The following GREB1 variants were observed in gnomAD, a reference collection of about 807,000 sequenced individuals.
GREB1 encodes the protein growth regulating estrogen receptor binding 1, also known as protein GREB1.
A neutral mutation model predicts 200.7 loss-of-function variants in GREB1; 106 were observed. That is an observed-to-expected ratio of 0.53 (90% CI 0.45 to 0.62). GREB1 has a LOEUF of 0.62. Among genes scored for constraint, GREB1 ranks in the 20% least tolerant of loss-of-function variants. The pLI is 0.00. For missense variants in GREB1, 2,243 were observed against 2,556.8 expected (o/e 0.88, Z 2.65); for synonymous variants, 1,132 against 1,092.4 (o/e 1.04, Z -0.72).
intron 9 of GREB1, among the ~76,000 whole-genome samples, chr2:11,586,647 C>T (rs1272895735): frequency 1.3e-5 from 2 of 152,146 alleles, no homozygotes; most frequent in Admixed American, 6.5e-5. Flanking sequence ...CTCTTAAATA[C>T]GTTATTATTG....
At chr2:11,526,903 A>G (rs1346231641) in intron 1 of GREB1, among the ~76,000 whole-genome samples, 1 of 152,156 alleles carries the variant, frequency 6.6e-6, no homozygotes, top group Non-Finnish European at 1.5e-5. Context: ...TGATATTTCT[A>G]AATAACATAT....
In GREB1 at chr2:11,620,970, A is replaced by G. The variant is rs771459567; in HGVS notation, c.4110A>G (p.Thr1370=). The G allele has an allele frequency of 5.0e-6, 8 of 1,612,084 alleles. No homozygotes were observed. In the South Asian group the frequency reaches 7.7e-5, roughly 15 times the overall value. ...SVLSRMLVRL[T]EVDVYDEEEI... ...TGTCCAGGATGCTTGTTCGGCTCACAGAAGTGGATGTCTATGACGAGGAGG... is the reference window on the plus strand; with the variant it reads ...TGTCCAGGATGCTTGTTCGGCTCACGGAAGTGGATGTCTATGACGAGGAGG... The change falls in exon 23 of 33, where the codon ACA becomes ACG. Residue 1370 remains threonine, a synonymous_variant. Coordinates refer to ENST00000381486, the MANE Select transcript of GREB1 (RefSeq NM_014668.4).
chr2:11,618,271 T>C lies in GREB1; in HGVS notation c.3413-17T>C, dbSNP rs568954777. The C allele has an allele frequency of 2.3e-6, 3 of 1,277,362 alleles. No homozygotes were observed. The highest frequency in any genetic ancestry group is 3.1e-6 in the Non-Finnish European group (3 of 974,366). 79.1% of individuals were successfully genotyped at this position (1,277,362 alleles called of 1,614,324 possible). On this transcript the variant is annotated splice_polypyrimidine_tract_variant and intron_variant, in intron 21 of 32. Transcript: ENST00000381486. Reference sequence around the variant, plus strand: ...GTACCTTCTAGGACGTCCCTGACCATGTTCGTCTCTCCTCAGGTTCAGCGC... The same window carrying C: ...GTACCTTCTAGGACGTCCCTGACCACGTTCGTCTCTCCTCAGGTTCAGCGC...
At chr2:11,524,112 C>T (rs2148477656) in intron 1 of GREB1, among the ~76,000 whole-genome samples, 1 of 152,298 alleles carries the variant, frequency 6.6e-6, no homozygotes, top group African/African-American at 2.4e-5. Context: ...CAAATTTGTA[C>T]TCCTTGTAAT....
At chr2:11,602,293 G>T in intron 16 of GREB1, 113 bp from the exon 17 acceptor site, 2 of 857,014 alleles carry the variant, frequency 2.3e-6, no homozygotes, top group Non-Finnish European at 3.9e-6. Context: ...CTGCACAGTG[G>T]GCACGATTTG....
At chr2:11,616,128 T>A (rs2148337483) in intron 20 of GREB1, among the ~76,000 whole-genome samples, 1 of 152,372 alleles carries the variant, frequency 6.6e-6, no homozygotes, top group East Asian at 1.9e-4. Flanking sequence ...AGTTTCACCA[T>A]CTGCTTCTCT....
intron 1 of GREB1, among the ~76,000 whole-genome samples, chr2:11,500,293 C>G (rs1672995625): frequency 6.6e-6 from 1 of 152,208 alleles, no homozygotes; most frequent in Non-Finnish European, 1.5e-5. Flanking sequence ...TCCTGAGTAG[C>G]TGGGATTACA....
intron 17 of GREB1, among the ~76,000 whole-genome samples, chr2:11,609,834 A>C (rs776489984): frequency 6.6e-6 from 1 of 152,240 alleles, no homozygotes; most frequent in African/African-American, 2.4e-5. Context: ...ACGGTATGGT[A>C]CTCATTTTTG....
At chr2:11,515,279 A>G (rs1181672076) in intron 1 of GREB1, among the ~76,000 whole-genome samples, 5 of 152,208 alleles carry the variant, frequency 3.3e-5, no homozygotes, top group Admixed American at 3.3e-4. Context: ...TGCAGAGGGA[A>G]CAGAGATTGA....
chr2:11,531,411 G>A (rs956240446), upstream of GREB1, among the ~76,000 whole-genome samples: 1 of 151,904 alleles, frequency 6.6e-6, no homozygotes, highest in African/African-American at 2.4e-5. Context: ...CAAGCTTGAC[G>A]GAATTTCATG....
chr2:11,518,550 G>A (rs1673590093), intron 1 of GREB1, among the ~76,000 whole-genome samples: 1 of 152,012 alleles, frequency 6.6e-6, no homozygotes, highest in African/African-American at 2.4e-5. Flanking sequence ...GGGGTGTGTG[G>A]CATGGGCCTG....
chr2:11,635,543 T>A, intron 30 of GREB1, 138 bp downstream of exon 30: 1 of 891,720 alleles, frequency 1.1e-6, no homozygotes, highest in Non-Finnish European at 1.7e-6. Flanking sequence ...GTGGGGTCAG[T>A]AAAGGTTTTT....
upstream of GREB1, among the ~76,000 whole-genome samples, chr2:11,530,354 G>A (rs755836413): frequency 5.9e-5 from 9 of 151,550 alleles, no homozygotes; most frequent in Non-Finnish European, 8.8e-5. Flanking sequence ...GATCCAGTGC[G>A]CCCGGCCCTA....
At position 11,637,884 on chromosome 2, in the gene GREB1, T is replaced by A. The variant is rs1201478972; in HGVS notation, c.5515T>A (p.Ser1839Thr). ...SLKNHDHPVL[S>T]VDCYLNLGSQ... is the part of the protein sequence containing the mutation. ...GAAGAACCATGACCACCCAGTGCTG[T>A]CTGTCGACTGTTACCTGAACCTGGG... The change falls in exon 31 of 33, where the codon TCT becomes ACT. Residue 1839 changes from serine (S) to threonine (T), a missense_variant. Ser to Thr is a moderately conservative substitution (Grantham distance 58, BLOSUM62 1). Transcript: ENST00000381486. 1 of 1,614,164 alleles carries A rather than the reference T, an allele frequency of 6.2e-7. No individual in the cohort carries two copies. The highest frequency in any genetic ancestry group is 8.5e-7 in the Non-Finnish European group (1 of 1,180,038).
In GREB1 at chr2:11,556,549, G is replaced by T. The variant is rs981812634; in HGVS notation, c.-66G>T. ...GCAGCTGTTTCACCTTCTACCTTGC[G>T]TGGAGCCAGGCTTTTGCACCGAATC... On this transcript the variant is annotated 5_prime_UTR_variant, in exon 2 of 33. Coordinates refer to ENST00000381486, the MANE Select transcript of GREB1 (RefSeq NM_014668.4). The T allele has an allele frequency of 3.7e-6, 5 of 1,356,152 alleles. No homozygotes were observed. Among genetic ancestry groups the T allele is most frequent in the Admixed American group, 1.9e-5 (1 of 53,256 alleles). The allele number at this position is 1,356,152 out of a possible 1,614,324, so 84.0% of individuals were successfully genotyped here. A position where few individuals can be genotyped will look rare whatever the true frequency, so the allele number is the denominator to read the frequency against.
At position 11,607,609 on chromosome 2, in the gene GREB1, TAC is replaced by T. The variant is rs71996926; in HGVS notation, c.2667-3075_2667-3074del. 8.3e-3 allele frequency among the ~76,000 whole-genome samples: 137 copies of T among 16,568 alleles called. 1 individual carries two copies. The highest frequency in any genetic ancestry group is 0.021 in the African/African-American group (121 of 5,872). The allele number at this position is 16,568 out of a possible 152,430, so 10.9% of individuals were successfully genotyped here. ...ACATATATACATATATATACATATA[TAC>T]ACATATATGCATATATATACATATA... On this transcript the variant is annotated intron_variant, in intron 17 of 32. Transcript: ENST00000381486.
At chr2:11,557,688 C>T (rs150939057) in intron 2 of GREB1, among the ~76,000 whole-genome samples, 15 of 152,294 alleles carry the variant, frequency 9.8e-5, no homozygotes, top group African/African-American at 3.6e-4. Flanking sequence ...TAGCAGGAGG[C>T]ATTTCTGTGT....
Position 11,614,814 on chromosome 2 carries a change from C to T in GREB1, c.3123-277C>T, listed in dbSNP as rs543823578. ...TCCTGACCTTGTGATCCGCCCGCCT[C>T]GGCCTCCCAAAGTGCTGCAAGCCCC... On this transcript the variant is annotated intron_variant, in intron 19 of 32. Transcript: ENST00000381486. Among the ~76,000 whole-genome samples the T allele has an allele frequency of 1.6e-4, 24 of 148,602 alleles. No homozygotes were observed. In the South Asian group the frequency reaches 2.5e-3, roughly 16 times the overall value.
At chr2:11,592,625 G>A in intron 10 of GREB1, 151 bp from the exon 11 acceptor site, 1 of 528,820 alleles carries the variant, frequency 1.9e-6, no homozygotes, top group South Asian at 2.7e-5. Context: ...GTGAGATTGT[G>A]GCGGATTTTA....
Sources: allele counts gnomAD v4.1 joint callset (sites outside exome capture counted in the v4.1 genomes callset), GRCh38; gene constraint gnomAD v4.1.1; transcripts MANE v1.5; gene names NCBI Gene and HGNC (gene_info 2026-07-23, HGNC 2026-07-21).